The following PSD variants were observed in gnomAD, a reference collection of about 807,000 sequenced individuals.
PSD encodes the protein pleckstrin and Sec7 domain containing.
PSD carries 32 observed loss-of-function variants against 91.6 expected under a neutral mutation model. The ratio of observed to expected loss-of-function variants is 0.35; its 90% CI spans 0.26 to 0.47. PSD has a LOEUF of 0.47. Among genes scored for constraint, PSD ranks in the 20% least tolerant of loss-of-function variants. The probability of loss-of-function intolerance (pLI) is 1.00; values close to 1 mark genes in which losing one functional copy is unlikely to be tolerated. For missense variants in PSD, 1,099 were observed against 1,373.9 expected (o/e 0.80, Z 3.16); for synonymous variants, 532 against 569.3 (o/e 0.93, Z 0.93).
chr10:102,410,161 A>G lies in PSD; in HGVS notation c.2091+697T>C, dbSNP rs1388054652. Among the ~76,000 whole-genome samples, 1 of 152,262 alleles carries G rather than the reference A, an allele frequency of 6.6e-6. No individual in the cohort carries two copies. Among genetic ancestry groups the G allele is most frequent in the Non-Finnish European group, 1.5e-5 (1 of 68,014 alleles). Reference sequence around the variant, plus strand: ...TTGTCCTAGCCTGGGGGTTTCTTCAAGTGAGTCCAGGCCTCTCTAGATAAA... The same window carrying G: ...TTGTCCTAGCCTGGGGGTTTCTTCAGGTGAGTCCAGGCCTCTCTAGATAAA... On this transcript the variant is annotated intron_variant, in intron 10 of 16. Transcript: ENST00000020673. This position sits in a 1 kb window ranked among gnomAD's most constrained non-coding sequence, Gnocchi z 6.0.
Position 102,405,356 on chromosome 10 carries a change from G to A in PSD, c.2316C>T (p.Asp772=). The A allele has an allele frequency of 2.5e-6, 4 of 1,611,568 alleles. No individual in the cohort carries two copies. The highest frequency in any genetic ancestry group is 3.4e-6 in the Non-Finnish European group (4 of 1,179,282). Residue 772 remains aspartate (D), a synonymous_variant, in exon 12 of 17, where the codon GAC becomes GAT. Transcript: ENST00000020673. This position sits in a 1 kb window ranked among gnomAD's most constrained non-coding sequence, Gnocchi z 5.4. ...AACTCGGCCACATACTCTTCCTGCA[G>A]TCAGGGTCTGCGTGCACCTTTCGCA... ...ALVRKVHADP[D]CRKTPRGKRG... is the part of the protein sequence containing the mutation.
intron 11 of PSD, among the ~76,000 whole-genome samples, chr10:102,406,854 CTTGTT>C (rs1457684177): frequency 6.6e-6 from 1 of 152,204 alleles, no homozygotes; most frequent in African/African-American, 2.4e-5. Context: ...AGCATGGTTA[CTTGTT>C]TTGTTCTGTG....
chr10:102,405,112 A>T lies in PSD; in HGVS notation c.2398-57T>A. ...AATGCAGCCTGGCCCAGCCCCTCCT[A>T]TTCCCACCCATCACCCCACACCCAC... On this transcript the variant is annotated intron_variant, in intron 13 of 16. Transcript: ENST00000020673. The surrounding 1 kb of genome is among the most constrained non-coding windows in gnomAD (Gnocchi z 5.4). 6.2e-7 allele frequency: 1 copy of T among 1,610,114 alleles called. No homozygotes were observed. Among genetic ancestry groups the T allele is most frequent in the Non-Finnish European group, 8.5e-7 (1 of 1,178,464 alleles).
Position 102,405,557 on chromosome 10 carries a change from G to A in PSD, c.2136-21C>T. 2 of 1,591,726 alleles carry A rather than the reference G, an allele frequency of 1.3e-6. No homozygotes were observed. The highest frequency in any genetic ancestry group is 1.7e-6 in the Non-Finnish European group (2 of 1,163,944). ...CGTCTCTGCAGGTGTGATCACCTCA[G>A]AGGGGGCTGGCCATGGAGCCGCGGC... On this transcript the variant is annotated intron_variant, in intron 11 of 16. Transcript: ENST00000020673. The surrounding 1 kb of genome is among the most constrained non-coding windows in gnomAD (Gnocchi z 5.4).
Position 102,409,159 on chromosome 10 carries a change from C to T in PSD, c.2091+1699G>A. On this transcript the variant is annotated intron_variant, in intron 10 of 16. Coordinates refer to ENST00000020673, the MANE Select transcript of PSD (RefSeq NM_002779.5). This position sits in a 1 kb window ranked among gnomAD's most constrained non-coding sequence, Gnocchi z 5.7. Reference sequence around the variant, plus strand: ...GTCCGCCCTCGGCCCCCGGGCCGCCCGGACGGCCCGCGGACCGCTCCCCCG... The same window carrying T: ...GTCCGCCCTCGGCCCCCGGGCCGCCTGGACGGCCCGCGGACCGCTCCCCCG... 1 of 980,660 alleles carries T rather than the reference C, an allele frequency of 1.0e-6. No individual in the cohort carries two copies. The highest frequency in any genetic ancestry group is 1.2e-6 in the Non-Finnish European group (1 of 828,194). 60.7% of individuals were successfully genotyped at this position (980,660 alleles called of 1,614,324 possible). A position where few individuals can be genotyped will look rare whatever the true frequency, so the allele number is the denominator to read the frequency against.
rs1486662564 is a variant in PSD, at chr10:102,416,218, A to G, written c.655-99T>C. 2 of 1,200,964 alleles carry G rather than the reference A, an allele frequency of 1.7e-6. No individual in the cohort carries two copies. Among genetic ancestry groups the G allele is most frequent in the East Asian group, 5.1e-5 (2 of 39,330 alleles). The allele number at this position is 1,200,964 out of a possible 1,614,324, so 74.4% of individuals were successfully genotyped here. On this transcript the variant is annotated intron_variant, in intron 2 of 16. Transcript: ENST00000020673. The surrounding 1 kb of genome is among the most constrained non-coding windows in gnomAD (Gnocchi z 6.0). Reference sequence around the variant, plus strand: ...AACAGAAATTAAAACATGCATCGACAGAGATGGAGGTTCAGAGACACAGAG... The same window carrying G: ...AACAGAAATTAAAACATGCATCGACGGAGATGGAGGTTCAGAGACACAGAG...
Position 102,412,142 on chromosome 10 carries a change from C to T in PSD, c.1829+5G>A. ...GGGGCTGTCCTCCAAGGGGTCAACA[C>T]CCACCTGAGAGCTTGGTCCAGAGTC... On this transcript the variant is annotated splice_donor_5th_base_variant and intron_variant, in intron 7 of 16. Coordinates refer to ENST00000020673, the MANE Select transcript of PSD (RefSeq NM_002779.5). 6.2e-7 allele frequency: 1 copy of T among 1,613,882 alleles called. No individual in the cohort carries two copies. The highest frequency in any genetic ancestry group is 8.5e-7 in the Non-Finnish European group (1 of 1,179,806).
chr10:102,404,755 C>T lies in PSD; in HGVS notation c.2556-28G>A. The T allele has an allele frequency of 6.4e-7, 1 of 1,556,636 alleles. No individual in the cohort carries two copies. The highest frequency in any genetic ancestry group is 8.7e-7 in the Non-Finnish European group (1 of 1,149,752). On this transcript the variant is annotated intron_variant, in intron 14 of 16. Transcript: ENST00000020673. This position sits in a 1 kb window ranked among gnomAD's most constrained non-coding sequence, Gnocchi z 5.7. Reference sequence around the variant, plus strand: ...GGGGAGAAAGCACAGCCCTTTGGGACCTGGGCCCAGGGTTTCTGTCCCAGG... The same window carrying T: ...GGGGAGAAAGCACAGCCCTTTGGGATCTGGGCCCAGGGTTTCTGTCCCAGG...
In PSD at chr10:102,405,903, G is replaced by C. The variant is rs1277810687; in HGVS notation, c.2136-367C>G. 2.2e-5 allele frequency: 5 copies of C among 226,626 alleles called. No homozygotes were observed. The East Asian group carries it at 4.7e-4, about 21-fold the overall frequency. The allele number at this position is 226,626 out of a possible 1,614,324, so 14.0% of individuals were successfully genotyped here. A position where few individuals can be genotyped will look rare whatever the true frequency, so the allele number is the denominator to read the frequency against. ...ACATCCAGCCCCAGGCTTTGCTCAC[G>C]GTTTGTGGGCTAAATGGTAGCAGAT... On this transcript the variant is annotated intron_variant, in intron 11 of 16. Transcript: ENST00000020673. This position sits in a 1 kb window ranked among gnomAD's most constrained non-coding sequence, Gnocchi z 5.4.
intron 8 of PSD, among the ~76,000 whole-genome samples, 195 bp from the exon 9 acceptor site, chr10:102,411,311 C>T (rs1224003546): frequency 3.1e-5 from 1 of 31,974 alleles, no homozygotes; most frequent in East Asian, 1.1e-3. Context: ...CTGGCTCCCT[C>T]AAGTACTGAG....
Position 102,405,290 on chromosome 10 carries a change from CA to C in PSD, c.2327-38del, listed in dbSNP as rs1565220288. On this transcript the variant is annotated intron_variant, in intron 12 of 16. Coordinates refer to ENST00000020673, the MANE Select transcript of PSD (RefSeq NM_002779.5). The surrounding 1 kb of genome is among the most constrained non-coding windows in gnomAD (Gnocchi z 5.4). ...GAAGACAGGTCAGGGGGCCCTGGAA[CA>C]GGCCCACTCCCATCCATCCCCTAGA... 5 of 1,609,440 alleles carry C rather than the reference CA, an allele frequency of 3.1e-6. No individual in the cohort carries two copies. In the Admixed American group the frequency reaches 6.7e-5, roughly 21 times the overall value.
Position 102,402,866 on chromosome 10 carries a change from T to A in PSD, c.*334A>T. On this transcript the variant is annotated 3_prime_UTR_variant, in exon 17 of 17. Transcript: ENST00000020673. ...CAGAGGGGGACTGATGGTGTCAGGG[T>A]GGGGGTGGTCTCAGCAGAAAGCAGA... 1 of 271,806 alleles carries A rather than the reference T, an allele frequency of 3.7e-6. No individual in the cohort carries two copies. Among genetic ancestry groups the A allele is most frequent in the Non-Finnish European group, 6.9e-6 (1 of 145,166 alleles). The allele number at this position is 271,806 out of a possible 1,614,324, so 16.8% of individuals were successfully genotyped here.
At position 102,407,223 on chromosome 10, in the gene PSD, A is replaced by T. The variant is rs1433969724; in HGVS notation, c.2135T>A (p.Ile712Lys). Reference sequence around the variant, plus strand: ...CCCACCACGCAGCCCCGGGACTCACATGGCCCACTGCAGCTTCTCATTCTT... The same window carrying T: ...CCCACCACGCAGCCCCGGGACTCACTTGGCCCACTGCAGCTTCTCATTCTT... ...SIKNEKLQWA[I>K]DEEELRRSLS... Residue 712 changes from isoleucine to lysine, a missense_variant and splice_region_variant, in exon 11 of 17, where the codon ATA becomes AAA. Coordinates refer to ENST00000020673, the MANE Select transcript of PSD (RefSeq NM_002779.5). 1.2e-6 allele frequency: 2 copies of T among 1,601,766 alleles called. No homozygotes were observed. Among genetic ancestry groups the T allele is most frequent in the Non-Finnish European group, 1.7e-6 (2 of 1,174,588 alleles).
At chr10:102,411,327 G>A (rs2061422887) in intron 8 of PSD, among the ~76,000 whole-genome samples, 1 of 112,276 alleles carries the variant, frequency 8.9e-6, no homozygotes, top group Admixed American at 9.0e-5. Context: ...CTGAGGGCTA[G>A]TTGCCCCAAC....
rs745551446 is a variant in PSD at position 102,415,077 on chromosome 10, C to T, written c.910G>A (p.Val304Met). 2 of 1,614,104 alleles carry T rather than the reference C, an allele frequency of 1.2e-6. No individual in the cohort carries two copies. The highest frequency in any genetic ancestry group is 1.7e-6 in the Non-Finnish European group (2 of 1,180,022). Residue 304 changes from valine (V) to methionine (M), a missense_variant, in exon 4 of 17, where the codon GTG becomes ATG. By Grantham distance (21) the Val-to-Met change is conservative (BLOSUM62 1). Transcript: ENST00000020673. Reference sequence around the variant, plus strand: ...TCGGCCTCCTCCCGCTCAGCCAGCACCTCATCGATGTCAGTCTCGCGGTAG... The same window carrying T: ...TCGGCCTCCTCCCGCTCAGCCAGCATCTCATCGATGTCAGTCTCGCGGTAG... ...RCYRETDIDE[V>M]LAEREEADSA...
At chr10:102,417,578 G>A (rs964202923) in intron 1 of PSD, among the ~76,000 whole-genome samples, 2 of 152,154 alleles carry the variant, frequency 1.3e-5, no homozygotes, top group Admixed American at 1.3e-4. Context: ...TGGAAGGAGA[G>A]GGAAGAGGAA....
At position 102,404,097 on chromosome 10, in the gene PSD, C is replaced by T; in HGVS notation, c.2701-112G>A. 7.5e-7 allele frequency: 1 copy of T among 1,337,098 alleles called. No individual in the cohort carries two copies. The highest frequency in any genetic ancestry group is 2.6e-5 in the East Asian group (1 of 38,498). 82.8% of individuals were successfully genotyped at this position (1,337,098 alleles called of 1,614,324 possible). On this transcript the variant is annotated intron_variant, in intron 15 of 16. Coordinates refer to ENST00000020673, the MANE Select transcript of PSD (RefSeq NM_002779.5). The surrounding 1 kb of genome is among the most constrained non-coding windows in gnomAD (Gnocchi z 5.7). ...GGCGCGGTGGCTCACGCCTGTAATC[C>T]CAGCACTTTGGGAGGCCAAGGCGGG...
At position 102,411,077 on chromosome 10, in the gene PSD, T is replaced by C; in HGVS notation, c.1982A>G (p.Asn661Ser). 3 of 1,612,860 alleles carry C rather than the reference T, an allele frequency of 1.9e-6. No homozygotes were observed. Among genetic ancestry groups the C allele is most frequent in the Non-Finnish European group, 2.5e-6 (3 of 1,179,050 alleles). The change falls in exon 9 of 17, where the codon AAC (asparagine) becomes AGC (serine). Residue 661 changes from asparagine (N) to serine (S), a missense_variant. Physicochemically the swap from Asn to Ser is conservative, Grantham distance 46. Around this residue, in one of 3 missense-constraint regions of PSD, gnomAD observed 110 missense variants for 218.7 expected, o/e 0.50. Coordinates refer to ENST00000020673, the MANE Select transcript of PSD (RefSeq NM_002779.5). The stretch of plus-strand genomic sequence containing the variant: ...ACTCACATGGCCGTGGAGATCCGTG[T>C]TGAGCAGCATGAGCGCACAGGTCAG... ...HTLTCALMLL[N>S]TDLHGHNIGK... is the part of the protein sequence containing the mutation.
chr10:102,411,808 T>C lies in PSD; in HGVS notation c.1841A>G (p.Lys614Arg), dbSNP rs1000886726. ...GGTCTCACCCATTAAGGCCAGCTCC[T>C]TCAGAAACACCCTGGAGAAGGGGCA... is the stretch of plus-strand genomic sequence containing the variant. Reference protein sequence around the residue: ...TLDQALRVFLKELALMGETQE... With the variant: ...TLDQALRVFLRELALMGETQE... Residue 614 changes from lysine to arginine, a missense_variant, in exon 8 of 17, where the codon AAG (lysine) becomes AGG (arginine). Physicochemically the swap from Lys to Arg is conservative, Grantham distance 26 (BLOSUM62 2). Around this residue, in one of 3 missense-constraint regions of PSD, gnomAD observed 110 missense variants for 218.7 expected, o/e 0.50. Transcript: ENST00000020673. 1.2e-6 allele frequency: 2 copies of C among 1,612,180 alleles called. No individual in the cohort carries two copies. Among genetic ancestry groups the C allele is most frequent in the South Asian group, 1.1e-5 (1 of 90,786 alleles).
Sources: gnomAD v4.1 joint callset for allele counts (sites outside exome capture counted in the v4.1 genomes callset) on GRCh38, gnomAD v4.1.1 for gene constraint, gnomAD v4.1.1 regional missense constraint, Gnocchi (gnomAD v3.1) non-coding constraint, MANE v1.5 for transcripts, NCBI Gene and HGNC (gene_info 2026-07-23, HGNC 2026-07-21) for gene names.